ACAP2: variants seen among roughly 807,000 people sequenced by gnomAD.
ACAP2 encodes arf-GAP with coiled-coil, ANK repeat and PH domain-containing protein 2.
In ACAP2, 39 loss-of-function variants were observed where a neutral mutation model predicts 115.8. The observed-to-expected ratio is 0.34, with a 90% CI of 0.26 to 0.44. The LOEUF is 0.44. Ranked by LOEUF, ACAP2 falls within the 20% of genes least tolerant of loss-of-function variation. ACAP2 has a pLI of 1.00. For synonymous variants in ACAP2, 289 were observed against 315.8 expected (o/e 0.92, Z 0.90); for missense variants, 662 against 927.6 (o/e 0.71, Z 3.72).
chr3:195,400,933 G>A (rs957277166), intron 1 of ACAP2, among the ~76,000 whole-genome samples: 3 of 152,204 alleles, frequency 2.0e-5, no homozygotes, highest in Admixed American at 2.0e-4. Flanking sequence ...GGTGGCTCAT[G>A]CCTGTAATAC....
At chr3:195,290,849 T>TA (rs1553843260) in intron 20 of ACAP2, among the ~76,000 whole-genome samples, 1,439 of 134,122 alleles carry the variant, frequency 0.011, 22 homozygotes, top group African/African-American at 0.032. Flanking sequence ...AATAAATAAA[T>TA]AATAAATAAA....
chr3:195,437,638 AC>A lies in ACAP2; in HGVS notation c.53+5156del, dbSNP rs371777777. Among the ~76,000 whole-genome samples, 34 of 151,922 alleles carry A rather than the reference AC, an allele frequency of 2.2e-4. No individual in the cohort carries two copies. The East Asian group carries it at 5.6e-3, about 25-fold the overall frequency. On this transcript the variant is annotated intron_variant, in intron 1 of 22. Transcript: ENST00000326793. ...AGACCAGCCTGGCCAACATAGTGAA[AC>A]CCCGTCTCTACTAAAAATATAAAAA...
chr3:195,437,209 AAT>A (rs1491474494), intron 1 of ACAP2, among the ~76,000 whole-genome samples: 2 of 133,414 alleles, frequency 1.5e-5, no homozygotes, highest in Admixed American at 1.5e-4. Flanking sequence ...ACATTTGGCT[AAT>A]TTTTTTTTTT....
chr3:195,301,670 T>C, intron 14 of ACAP2, 26 bp from the exon 15 acceptor site: 1 of 1,586,400 alleles, frequency 6.3e-7, no homozygotes, highest in Admixed American at 1.7e-5. Flanking sequence ...AAGACTGCAT[T>C]ACTATCAAGT....
At chr3:195,366,860 T>A (rs1229213166) in intron 4 of ACAP2, among the ~76,000 whole-genome samples, 2 of 151,116 alleles carry the variant, frequency 1.3e-5, no homozygotes, top group African/African-American at 4.9e-5. Flanking sequence ...AATGAAGGAG[T>A]CCTTTACAAC....
intron 1 of ACAP2, among the ~76,000 whole-genome samples, chr3:195,401,144 G>A (rs1400359995): frequency 6.6e-6 from 1 of 152,118 alleles, no homozygotes; most frequent in African/African-American, 2.4e-5. Context: ...TGAAGGCACA[G>A]AATACCCTGC....
At chr3:195,324,227 C>G (rs1481750095) in intron 9 of ACAP2, among the ~76,000 whole-genome samples, 1 of 151,738 alleles carries the variant, frequency 6.6e-6, no homozygotes, top group African/African-American at 2.4e-5. Flanking sequence ...ACTCTAAAGC[C>G]AAAAATAATT....
intron 6 of ACAP2, among the ~76,000 whole-genome samples, chr3:195,340,959 T>C (rs150854286): frequency 2.6e-5 from 4 of 152,328 alleles, no homozygotes; most frequent in Non-Finnish European, 4.4e-5. Flanking sequence ...TTTTCTATTG[T>C]TTTGCCAAGT....
At chr3:195,441,484 G>A (rs748976398) in intron 1 of ACAP2, among the ~76,000 whole-genome samples, 19 of 152,256 alleles carry the variant, frequency 1.2e-4, no homozygotes, top group Non-Finnish European at 2.2e-4. Flanking sequence ...TCATCAAAGG[G>A]CAAACGCAAA....
At chr3:195,387,601 CA>C (rs751452726) in intron 2 of ACAP2, among the ~76,000 whole-genome samples, 2 of 152,094 alleles carry the variant, frequency 1.3e-5, no homozygotes. Flanking sequence ...ACAACCACGC[CA>C]GGGGCACCAT....
At chr3:195,432,828 T>C (rs1286732059) in intron 1 of ACAP2, among the ~76,000 whole-genome samples, 1 of 152,240 alleles carries the variant, frequency 6.6e-6, no homozygotes, top group Non-Finnish European at 1.5e-5. Flanking sequence ...ATGGGATGTA[T>C]TTCCATTTAT....
At chr3:195,309,792 A>G (rs1728642798) in intron 10 of ACAP2, among the ~76,000 whole-genome samples, 1 of 152,240 alleles carries the variant, frequency 6.6e-6, no homozygotes, top group Non-Finnish European at 1.5e-5. Context: ...AACTATTTAT[A>G]TGGTTCTGCT....
At chr3:195,329,343 T>C (rs75472219) in intron 8 of ACAP2, among the ~76,000 whole-genome samples, 2,443 of 152,212 alleles carry the variant, frequency 0.016, 71 homozygotes, top group African/African-American at 0.056. Flanking sequence ...CTGGACATTA[T>C]CAATGTTAAT....
At chr3:195,415,333 G>A (rs888674534) in intron 1 of ACAP2, among the ~76,000 whole-genome samples, 2 of 146,986 alleles carry the variant, frequency 1.4e-5, no homozygotes, top group Non-Finnish European at 3.0e-5. Context: ...GGCTGGAAGT[G>A]CAGTGCTGCA....
chr3:195,312,715 A>G (rs1445069804), intron 10 of ACAP2, among the ~76,000 whole-genome samples: 1 of 152,250 alleles, frequency 6.6e-6, no homozygotes, highest in African/African-American at 2.4e-5. Flanking sequence ...GTAATTATAA[A>G]TAAATCAAAG....
At chr3:195,291,373 A>AT (rs1727243485) in intron 20 of ACAP2, among the ~76,000 whole-genome samples, 1 of 152,252 alleles carries the variant, frequency 6.6e-6, no homozygotes, top group Non-Finnish European at 1.5e-5. Context: ...GAAATAATGT[A>AT]TATGTACATA....
intron 15 of ACAP2, 96 bp downstream of exon 15, chr3:195,301,479 G>A: frequency 1.1e-6 from 1 of 916,950 alleles, no homozygotes; most frequent in Non-Finnish European, 1.7e-6. Flanking sequence ...GCATACATTG[G>A]TAGCATGAAG....
At chr3:195,361,690 A>G (rs772569655) in intron 4 of ACAP2, among the ~76,000 whole-genome samples, 3 of 152,074 alleles carry the variant, frequency 2.0e-5, no homozygotes, top group Non-Finnish European at 4.4e-5. Flanking sequence ...CCAGAGCAGA[A>G]ATAAATGAAA....
At position 195,424,293 on chromosome 3, in the gene ACAP2, T is replaced by G. The variant is rs1434039956; in HGVS notation, c.53+18502A>C. 2.1e-4 allele frequency among the ~76,000 whole-genome samples: 12 copies of G among 56,432 alleles called. No homozygotes were observed. In the Admixed American group the frequency reaches 3.0e-3, roughly 14 times the overall value. The allele number at this position is 56,432 out of a possible 152,430, so 37.0% of individuals were successfully genotyped here. ...TATATATATATATATATTTTTTTTT[T>G]TTTTTTTTTTTTTTTTTTTGAAACA... On this transcript the variant is annotated intron_variant, in intron 1 of 22. Transcript: ENST00000326793.
Sources: gnomAD v4.1 joint callset for allele counts (sites outside exome capture counted in the v4.1 genomes callset) on GRCh38, gnomAD v4.1.1 for gene constraint, MANE v1.5 for transcripts, NCBI Gene and HGNC (gene_info 2026-07-23, HGNC 2026-07-21) for gene names.